The following COP1 variants were observed in gnomAD, a reference collection of about 807,000 sequenced individuals.
COP1 encodes the protein E3 ubiquitin-protein ligase COP1.
Under a neutral mutation model 101.3 loss-of-function variants are expected in COP1, and 24 were observed. The ratio of observed to expected loss-of-function variants is 0.24; its 90% CI spans 0.17 to 0.33. The LOEUF (loss-of-function observed/expected upper bound fraction) is 0.33. Among genes scored for constraint, COP1 ranks in the 10% least tolerant of loss-of-function variants. COP1 has a pLI of 1.00. For missense variants in COP1, 663 were observed against 906.2 expected, an observed-to-expected ratio of 0.73 and a Z score of 3.45; for synonymous variants, 347 against 341.9, an observed-to-expected ratio of 1.01 and a Z score of -0.17.
chr1:175,950,617 A>G lies in COP1; in HGVS notation c.2134-3378T>C, dbSNP rs147209765. Among the ~76,000 whole-genome samples, 864 of 152,340 alleles carry G rather than the reference A, an allele frequency of 5.7e-3. 4 individuals carry two copies. The highest frequency in any genetic ancestry group is 9.6e-3 in the Non-Finnish European group (653 of 68,026). On this transcript the variant is annotated intron_variant, in intron 18 of 19. Transcript: ENST00000367669. ...AGGTTATTTTTTACTTGCTAAATAA[A>G]ATAAAAGTGTGAGTCAGTAATTCTT...
chr1:176,149,417 A>T (rs1692075219), intron 5 of COP1, among the ~76,000 whole-genome samples: 1 of 152,134 alleles, frequency 6.6e-6, no homozygotes. Flanking sequence ...TTTACAGTGA[A>T]AGTAACATAG....
rs145423534 is a variant in COP1 at position 176,173,217 on chromosome 1, A to G, written c.565+2693T>C. Among the ~76,000 whole-genome samples the G allele has an allele frequency of 2.2e-3, 326 of 149,812 alleles. 7 individuals carry two copies. Among genetic ancestry groups the G allele is most frequent in the East Asian group, 0.016 (78 of 4,878 alleles). ...TCCCAGCTACTAGGGAGGCTGAGGC[A>G]GGAGAATCATGTGAGCCCAGGAGGT... On this transcript the variant is annotated intron_variant, in intron 3 of 19. Transcript: ENST00000367669.
At chr1:175,991,980 T>C (rs929619803) in intron 15 of COP1, among the ~76,000 whole-genome samples, 5 of 152,204 alleles carry the variant, frequency 3.3e-5, no homozygotes, top group African/African-American at 1.2e-4. Context: ...TCTATAATAA[T>C]GGTAAAAAGT....
chr1:175,997,940 A>G (rs1321520873), intron 15 of COP1, among the ~76,000 whole-genome samples: 4 of 152,010 alleles, frequency 2.6e-5, no homozygotes, highest in African/African-American at 7.3e-5. Context: ...CTATAAAGAC[A>G]CATGCACACA....
chr1:175,973,198 T>C (rs567962303), intron 18 of COP1, among the ~76,000 whole-genome samples: 15 of 152,332 alleles, frequency 9.8e-5, no homozygotes, highest in African/African-American at 3.4e-4. Context: ...TAAAAGATAC[T>C]ATAATCAGTA....
intron 18 of COP1, among the ~76,000 whole-genome samples, chr1:175,949,604 C>T (rs1649622254): frequency 6.6e-6 from 1 of 152,188 alleles, no homozygotes; most frequent in African/African-American, 2.4e-5. Context: ...TTGAAAATCT[C>T]ACTGATCAAC....
intron 11 of COP1, among the ~76,000 whole-genome samples, chr1:176,069,448 A>G (rs1558043757): frequency 6.6e-6 from 1 of 152,180 alleles, no homozygotes; most frequent in Non-Finnish European, 1.5e-5. Context: ...TGCCACAAGC[A>G]TTTACTATTT....
intron 5 of COP1, among the ~76,000 whole-genome samples, chr1:176,151,331 GAAAGAAGGAAGGAAAGAAAGAAAA>G (rs1300844748): frequency 1.5e-5 from 2 of 135,310 alleles, no homozygotes; most frequent in African/African-American, 5.8e-5. Context: ...AGGAAAGAAA[GAAAGAAGGAAGGAAAGAAAGAAAA>G]AGAAAGAAAG....
intron 2 of COP1, among the ~76,000 whole-genome samples, chr1:176,179,464 G>A (rs1442463703): frequency 6.6e-6 from 1 of 152,224 alleles, no homozygotes; most frequent in Non-Finnish European, 1.5e-5. Flanking sequence ...GCTGGGTGCA[G>A]TGGCTCGTGC....
chr1:176,203,346 G>GA (rs1395036979), intron 1 of COP1, among the ~76,000 whole-genome samples: 1 of 151,878 alleles, frequency 6.6e-6, no homozygotes, highest in Non-Finnish European at 1.5e-5. Flanking sequence ...CAAAAAAAAA[G>GA]AAAAAAAGTC....
chr1:176,149,138 AC>A, intron 5 of COP1, 64 bp from the exon 6 acceptor site: 1 of 1,020,022 alleles, frequency 9.8e-7, no homozygotes, highest in Non-Finnish European at 1.5e-6. Context: ...TTTCTTTAAC[AC>A]CATAGCATAA....
chr1:176,038,531 G>T (rs573219224), intron 14 of COP1, among the ~76,000 whole-genome samples: 1 of 152,260 alleles, frequency 6.6e-6, no homozygotes, highest in Admixed American at 6.5e-5. Flanking sequence ...AGTAAAAGAA[G>T]AGATAGGGCT....
chr1:175,952,086 C>A (rs1044719263), intron 18 of COP1, among the ~76,000 whole-genome samples: 1 of 152,130 alleles, frequency 6.6e-6, no homozygotes, highest in Non-Finnish European at 1.5e-5. Flanking sequence ...TTCCCATCAG[C>A]AAGAATGCAA....
intron 15 of COP1, among the ~76,000 whole-genome samples, chr1:175,997,806 G>A (rs1298415250): frequency 6.6e-6 from 1 of 152,092 alleles, no homozygotes; most frequent in Non-Finnish European, 1.5e-5. Context: ...TGGTGGGACT[G>A]TAAACTAGTT....
At chr1:175,960,309 C>A (rs557651446) in intron 18 of COP1, among the ~76,000 whole-genome samples, 35 of 152,286 alleles carry the variant, frequency 2.3e-4, no homozygotes, top group African/African-American at 7.5e-4. Flanking sequence ...GTTACTTGAC[C>A]TCTCTGAATC....
rs151149181 is a variant in COP1 at position 176,175,407 on chromosome 1, G to A, written c.565+503C>T. 2.6e-5 allele frequency among the ~76,000 whole-genome samples: 4 copies of A among 152,312 alleles called. No homozygotes were observed. The East Asian group carries it at 7.7e-4, about 29-fold the overall frequency. On this transcript the variant is annotated intron_variant, in intron 3 of 19. Transcript: ENST00000367669. ...AGAGAACAATTCTTCCAGACTGAAG[G>A]GAGGTGGAAGGGATGGTTTCAGGAT... is the stretch of plus-strand genomic sequence containing the variant.
In COP1 at chr1:176,082,737, G is replaced by A. The variant is rs190439427; in HGVS notation, c.1142-1450C>T. On this transcript the variant is annotated intron_variant, in intron 10 of 19. Transcript: ENST00000367669. ...GGAGAATAGCTTGAACCCGGGAGGT[G>A]GAGGTTGCAGTGAGCCAAGATCACA... 1.3e-3 allele frequency among the ~76,000 whole-genome samples: 198 copies of A among 151,900 alleles called. 2 individuals carry two copies. Among genetic ancestry groups the A allele is most frequent in the African/African-American group, 4.4e-3 (184 of 41,444 alleles).
At chr1:175,988,856 A>G (rs1453511619) in intron 16 of COP1, 1 of 157,290 alleles carries the variant, frequency 6.4e-6, no homozygotes, top group Non-Finnish European at 1.4e-5. Context: ...TTTCTTTTCA[A>G]CATATTTAAA....
intron 15 of COP1, among the ~76,000 whole-genome samples, chr1:176,024,247 G>T (rs115747659): frequency 6.6e-6 from 1 of 152,192 alleles, no homozygotes; most frequent in South Asian, 2.1e-4. Context: ...CTCTGACAGA[G>T]TGAGACTGTC....
Sources: allele counts gnomAD v4.1 joint callset (sites outside exome capture counted in the v4.1 genomes callset), GRCh38; gene constraint gnomAD v4.1.1; transcripts MANE v1.5; gene names NCBI Gene and HGNC (gene_info 2026-07-23, HGNC 2026-07-21).